The following ATP13A5 variants were observed in gnomAD, a reference collection of about 807,000 sequenced individuals.
ATP13A5 encodes probable cation-transporting ATPase 13A5.
Under a neutral mutation model 150.2 loss-of-function variants are expected in ATP13A5, and 149 were observed. That is an observed-to-expected ratio of 0.99 (90% CI 0.87 to 1.14). The LOEUF is 1.14. ATP13A5 is among the 50% of genes most tolerant of loss of function. ATP13A5 has a pLI of 0.00. For missense variants in ATP13A5, 1,383 were observed against 1,449.3 expected (o/e 0.95, Z 0.74); for synonymous variants, 497 against 522.2 (o/e 0.95, Z 0.66).
chr3:193,365,283 G>A (rs1380415954), intron 1 of ATP13A5, among the ~76,000 whole-genome samples: 3 of 152,006 alleles, frequency 2.0e-5, no homozygotes, highest in African/African-American at 7.2e-5. Context: ...TTTGATGCGG[G>A]AACATCCTGC....
chr3:193,333,998 G>C (rs1295196045), intron 10 of ATP13A5, 91 bp from the exon 11 acceptor site: 24 of 1,194,610 alleles, frequency 2.0e-5, no homozygotes, highest in African/African-American at 3.1e-5. Flanking sequence ...GAAAAGAGTA[G>C]AGTGTCCTCT....
intron 1 of ATP13A5, among the ~76,000 whole-genome samples, chr3:193,365,986 ATTC>A (rs756864119): frequency 3.9e-5 from 6 of 152,102 alleles, no homozygotes; most frequent in Non-Finnish European, 8.8e-5. Context: ...TGAATCAGTA[ATTC>A]TTCATTTGAA....
Position 193,275,372 on chromosome 3 carries a change from A to ACAGCCACCT in ATP13A5, c.3397-79_3397-71dup. The stretch of plus-strand genomic sequence containing the variant: ...CCCTGCAGCCAGGCCGCTGGCCACC[A>ACAGCCACCT]CAGCCACCTCCTTTCCCCAGGCCTT... On this transcript the variant is annotated intron_variant, in intron 29 of 29. Transcript: ENST00000342358. The ACAGCCACCT allele has an allele frequency of 2.5e-5, 39 of 1,546,642 alleles. No homozygotes were observed. In the South Asian group the frequency reaches 4.5e-4, roughly 18 times the overall value.
At position 193,344,223 on chromosome 3, in the gene ATP13A5, G is replaced by A. The variant is rs990181232; in HGVS notation, c.815-168C>T. Among the ~76,000 whole-genome samples, 6 of 152,300 alleles carry A rather than the reference G, an allele frequency of 3.9e-5. No individual in the cohort carries two copies. In the East Asian group the frequency reaches 1.2e-3, roughly 29 times the overall value. ...AAAATTCCGAAAGAATCAGGATTAG[G>A]AAATTGGTTCCTGGGACTCAGAAAA... is the stretch of plus-strand genomic sequence containing the variant. On this transcript the variant is annotated intron_variant, in intron 8 of 29. Coordinates refer to ENST00000342358, the MANE Select transcript of ATP13A5 (RefSeq NM_198505.4).
chr3:193,347,452 G>C (rs1165372831), intron 7 of ATP13A5, among the ~76,000 whole-genome samples: 1 of 151,606 alleles, frequency 6.6e-6, no homozygotes, highest in Non-Finnish European at 1.5e-5. Context: ...TTTCTGTTGA[G>C]GAATATGTTC....
chr3:193,360,778 G>A (rs1019787776), intron 5 of ATP13A5, among the ~76,000 whole-genome samples: 1 of 152,146 alleles, frequency 6.6e-6, no homozygotes, highest in Non-Finnish European at 1.5e-5. Flanking sequence ...CCGGGTCCAA[G>A]CAATTCTCCT....
intron 25 of ATP13A5, among the ~76,000 whole-genome samples, chr3:193,295,055 A>G (rs1218848955): frequency 6.6e-6 from 1 of 152,052 alleles, no homozygotes; most frequent in Non-Finnish European, 1.5e-5. Context: ...AAACCATCAT[A>G]AATCGGGGAC....
At chr3:193,344,932 A>T in intron 8 of ATP13A5, 71 bp downstream of exon 8, 1 of 1,386,190 alleles carries the variant, frequency 7.2e-7, no homozygotes. Flanking sequence ...TTGACTAATA[A>T]TTAAGGACAA....
intron 17 of ATP13A5, among the ~76,000 whole-genome samples, chr3:193,317,180 G>A (rs948950946): frequency 1.3e-5 from 2 of 152,240 alleles, no homozygotes; most frequent in East Asian, 1.9e-4. Flanking sequence ...GGATATCTGC[G>A]TGTCTTTCTC....
At chr3:193,312,992 C>G (rs1048497018) in intron 19 of ATP13A5, 1 of 152,164 alleles carries the variant, frequency 6.6e-6, no homozygotes, top group Non-Finnish European at 1.5e-5. Context: ...CTGGTGGGGA[C>G]TAAAATTTCA....
At chr3:193,284,475 G>T (rs1234329807) in intron 27 of ATP13A5, among the ~76,000 whole-genome samples, 1 of 152,122 alleles carries the variant, frequency 6.6e-6, no homozygotes, top group Non-Finnish European at 1.5e-5. Context: ...TCCATAAAAT[G>T]CTTTGTTTAG....
chr3:193,354,300 G>T, intron 5 of ATP13A5, 104 bp from the exon 6 acceptor site: 2 of 1,021,662 alleles, frequency 2.0e-6, no homozygotes, highest in Non-Finnish European at 1.4e-6. Flanking sequence ...TGGAGATTTT[G>T]TGACTTTGAT....
At position 193,345,525 on chromosome 3, in the gene ATP13A5, G is replaced by A. The variant is rs145410849; in HGVS notation, c.742-450C>T. 5.5e-4 allele frequency among the ~76,000 whole-genome samples: 83 copies of A among 152,256 alleles called. No individual in the cohort carries two copies. In the East Asian group the frequency reaches 0.012, roughly 22 times the overall value. ...AAGAAGGGAAATGACTACAGAACTC[G>A]GAAGTGAGGTACAGAAACAGCTGGA... On this transcript the variant is annotated intron_variant, in intron 7 of 29. Coordinates refer to ENST00000342358, the MANE Select transcript of ATP13A5 (RefSeq NM_198505.4).
chr3:193,319,271 G>A (rs1719171582), intron 16 of ATP13A5, among the ~76,000 whole-genome samples, 163 bp from the exon 17 acceptor site: 1 of 152,206 alleles, frequency 6.6e-6, no homozygotes, highest in African/African-American at 2.4e-5. Flanking sequence ...AACTTCATCA[G>A]TGTGTTCTTA....
At chr3:193,285,159 T>A (rs1577324177) in intron 26 of ATP13A5, 43 bp from the exon 27 acceptor site, 1 of 1,543,564 alleles carries the variant, frequency 6.5e-7, no homozygotes, top group South Asian at 1.2e-5. Context: ...TTGATTCCAT[T>A]TTTGTCCATT....
intron 29 of ATP13A5, 134 bp downstream of exon 29, chr3:193,276,616 T>C (rs946999867): frequency 3.9e-5 from 25 of 640,368 alleles, no homozygotes; most frequent in Admixed American, 3.4e-4. Flanking sequence ...CAAAAGAATA[T>C]GTACCATTTT....
At position 193,333,980 on chromosome 3, in the gene ATP13A5, T is replaced by C. The variant is rs1331434419; in HGVS notation, c.1115-73A>G. 11 of 1,423,230 alleles carry C rather than the reference T, an allele frequency of 7.7e-6. No homozygotes were observed. The African/African-American group carries it at 1.0e-4, about 13-fold the overall frequency. The allele number at this position is 1,423,230 out of a possible 1,614,324, so 88.2% of individuals were successfully genotyped here. A position where few individuals can be genotyped will look rare whatever the true frequency, so the allele number is the denominator to read the frequency against. ...TGGTCTCCTAAAAATGGCTTTACTGTCTTTGAGGAAAAGAGTAGAGTGTCC... is the reference window on the plus strand; with the variant it reads ...TGGTCTCCTAAAAATGGCTTTACTGCCTTTGAGGAAAAGAGTAGAGTGTCC... On this transcript the variant is annotated intron_variant, in intron 10 of 29. Coordinates refer to ENST00000342358, the MANE Select transcript of ATP13A5 (RefSeq NM_198505.4).
chr3:193,348,931 T>C (rs1303684059), intron 7 of ATP13A5, among the ~76,000 whole-genome samples: 1 of 152,132 alleles, frequency 6.6e-6, no homozygotes, highest in African/African-American at 2.4e-5. Context: ...ACTGGGTGAG[T>C]GTGAGTAAGT....
At chr3:193,365,948 C>T (rs1713225976) in intron 1 of ATP13A5, among the ~76,000 whole-genome samples, 1 of 151,994 alleles carries the variant, frequency 6.6e-6, no homozygotes, top group South Asian at 2.1e-4. Flanking sequence ...CAAATTGTAT[C>T]AAGAATTGTA....
Sources: gnomAD v4.1 joint callset for allele counts (sites outside exome capture counted in the v4.1 genomes callset) on GRCh38, gnomAD v4.1.1 for gene constraint, MANE v1.5 for transcripts, NCBI Gene and HGNC (gene_info 2026-07-23, HGNC 2026-07-21) for gene names.